The following FOXN3 variants were observed in gnomAD, a reference collection of about 807,000 sequenced individuals.
The protein encoded by FOXN3 is forkhead box N3.
FOXN3 carries 7 observed loss-of-function variants against 38.4 expected under a neutral mutation model. That is an observed-to-expected ratio of 0.18 (90% CI 0.10 to 0.34). The LOEUF is 0.34. Among genes scored for constraint, FOXN3 ranks in the 10% least tolerant of loss-of-function variants. The pLI is 1.00. For missense variants in FOXN3, 456 were observed against 613.4 expected, an observed-to-expected ratio of 0.74 and a Z score of 2.71; for synonymous variants, 230 against 242.2, an observed-to-expected ratio of 0.95 and a Z score of 0.47.
intron 2 of FOXN3, among the ~76,000 whole-genome samples, chr14:89,379,475 C>G (rs1329648451): frequency 6.6e-6 from 1 of 152,076 alleles, no homozygotes; most frequent in Non-Finnish European, 1.5e-5. Context: ...AGACCGCTCC[C>G]CCGACAATCT....
chr14:89,398,811 C>A (rs928319730), intron 2 of FOXN3, among the ~76,000 whole-genome samples: 1 of 152,168 alleles, frequency 6.6e-6, no homozygotes, highest in Non-Finnish European at 1.5e-5. Flanking sequence ...CATGGAGAAA[C>A]CCTGTCTCTA....
At chr14:89,447,590 C>G (rs577891549) in intron 1 of FOXN3, among the ~76,000 whole-genome samples, 5 of 152,062 alleles carry the variant, frequency 3.3e-5, no homozygotes, top group Non-Finnish European at 5.9e-5. Flanking sequence ...AGGAGAAGTA[C>G]CAACTCCCAG....
At chr14:89,218,618 T>C (rs944076333) in intron 4 of FOXN3, among the ~76,000 whole-genome samples, 8 of 152,282 alleles carry the variant, frequency 5.3e-5, no homozygotes, top group African/African-American at 1.2e-4. Context: ...TGCCTTTTCA[T>C]TGCTGAAATT....
chr14:89,519,607 G>A (rs895528548), intron 1 of FOXN3, among the ~76,000 whole-genome samples: 2 of 152,166 alleles, frequency 1.3e-5, no homozygotes, highest in African/African-American at 2.4e-5. Context: ...ACAAAAGCCT[G>A]TCCTAAGATG....
In FOXN3 at chr14:89,459,503, A is replaced by C. The variant is rs144835623; in HGVS notation, c.-14-47013T>G. On this transcript the variant is annotated intron_variant, in intron 1 of 6. Coordinates refer to the FOXN3 transcript ENST00000345097. ...AAATGAGCTCCAGCGAGATTATAGG[A>C]CTTGATCTAGAGCCTGCAGTGGACT... is the stretch of plus-strand genomic sequence containing the variant. Among the ~76,000 whole-genome samples, 752 of 152,256 alleles carry C rather than the reference A, an allele frequency of 4.9e-3. 8 individuals carry two copies. The highest frequency in any genetic ancestry group is 0.018 in the African/African-American group (730 of 41,540).
intron 1 of FOXN3, among the ~76,000 whole-genome samples, chr14:89,472,005 C>T (rs1893104772): frequency 1.3e-5 from 2 of 152,168 alleles, no homozygotes; most frequent in Admixed American, 1.3e-4. Flanking sequence ...CCTGTAATCC[C>T]AACACTTTGG....
In FOXN3 at chr14:89,491,371, G is replaced by A. The variant is rs189121988; in HGVS notation, c.-14-78881C>T. ...GATGGAGAAATCATTTCAATGAAAG[G>A]GGGAGATCTGTAAGGTTTTACAGAG... On this transcript the variant is annotated intron_variant, in intron 1 of 6. Transcript: ENST00000345097. 5.3e-5 allele frequency among the ~76,000 whole-genome samples: 8 copies of A among 152,306 alleles called. No homozygotes were observed. The East Asian group carries it at 1.5e-3, about 29-fold the overall frequency.
intron 4 of FOXN3, chr14:89,264,014 C>G (rs1307103726): frequency 6.6e-6 from 1 of 152,444 alleles, no homozygotes; most frequent in Non-Finnish European, 1.5e-5. Context: ...GCCGAGATCA[C>G]GCCATTGCAT....
At chr14:89,528,691 C>T (rs920452564) in intron 1 of FOXN3, among the ~76,000 whole-genome samples, 16 of 152,044 alleles carry the variant, frequency 1.1e-4, no homozygotes, top group African/African-American at 3.9e-4. Flanking sequence ...CCACCACACT[C>T]GGGCTGATTA....
chr14:89,247,239 C>A (rs4904522), intron 4 of FOXN3, among the ~76,000 whole-genome samples: 3 of 152,086 alleles, frequency 2.0e-5, no homozygotes, highest in Non-Finnish European at 2.9e-5. Context: ...AAAGCTTAAG[C>A]ATAATTATTG....
intron 1 of FOXN3, among the ~76,000 whole-genome samples, chr14:89,537,684 A>G (rs543737103): frequency 1.3e-5 from 2 of 152,372 alleles, no homozygotes; most frequent in African/African-American, 4.8e-5. Context: ...TGTGAGTGAC[A>G]TCTCTGAAAA....
At chr14:89,570,298 CG>C (rs1439105506) in intron 1 of FOXN3, among the ~76,000 whole-genome samples, 1 of 152,106 alleles carries the variant, frequency 6.6e-6, no homozygotes, top group Non-Finnish European at 1.5e-5. Flanking sequence ...CGCATCCAGC[CG>C]GTACACTTGG....
At chr14:89,335,075 TATCACACACACA>T (rs765257689) in intron 3 of FOXN3, among the ~76,000 whole-genome samples, 1,732 of 136,206 alleles carry the variant, frequency 0.013, 18 homozygotes, top group Non-Finnish European at 0.017. Context: ...ACTATTTTCA[TATCACACACACA>T]CACACACACA....
At chr14:89,602,641 C>A (rs978653547) in intron 1 of FOXN3, among the ~76,000 whole-genome samples, 7 of 151,808 alleles carry the variant, frequency 4.6e-5, no homozygotes, top group African/African-American at 1.7e-4. Flanking sequence ...GGATTATAGG[C>A]ACCTGCCACC....
intron 2 of FOXN3, among the ~76,000 whole-genome samples, chr14:89,359,245 G>A (rs959435887): frequency 1.3e-5 from 2 of 151,520 alleles, no homozygotes; most frequent in Admixed American, 1.3e-4. Context: ...GCAGTGAGCC[G>A]AGATCACGCC....
At chr14:89,460,757 G>A (rs901319405) in intron 1 of FOXN3, among the ~76,000 whole-genome samples, 4 of 152,288 alleles carry the variant, frequency 2.6e-5, no homozygotes, top group African/African-American at 4.8e-5. Context: ...AATGCCGGGC[G>A]CGGTGACTCA....
chr14:89,413,656 A>AAGGGAAGG lies in FOXN3; in HGVS notation c.-14-1167_-14-1166insCCTTCCCT, dbSNP rs1566646618. 3.9e-3 allele frequency among the ~76,000 whole-genome samples: 503 copies of AAGGGAAGG among 130,192 alleles called. 4 individuals carry two copies. The highest frequency in any genetic ancestry group is 0.014 in the African/African-American group (485 of 34,990). The allele number at this position is 130,192 out of a possible 152,430, so 85.4% of individuals were successfully genotyped here. ...TCAAAAGTTTTGAAGAAGGTAAGGA[A>AAGGGAAGG]GAAGGGAAGGGAATGGAAGAGAAGG... On this transcript the variant is annotated intron_variant, in intron 1 of 5. Coordinates refer to ENST00000557258, the MANE Select transcript of FOXN3 (RefSeq NM_005197.4).
intron 4 of FOXN3, among the ~76,000 whole-genome samples, chr14:89,264,358 G>A (rs186365467): frequency 5.1e-4 from 78 of 152,184 alleles, no homozygotes; most frequent in Middle Eastern, 3.4e-3. Flanking sequence ...AAGCAAAAGG[G>A]GAAAACCCTT....
At chr14:89,372,480 A>C (rs887073866) in intron 2 of FOXN3, among the ~76,000 whole-genome samples, 1 of 152,168 alleles carries the variant, frequency 6.6e-6, no homozygotes, top group Non-Finnish European at 1.5e-5. Context: ...ACAACAGCTG[A>C]CTGAAACAAA....
Sources: gnomAD v4.1 joint callset for allele counts (sites outside exome capture counted in the v4.1 genomes callset) on GRCh38, gnomAD v4.1.1 for gene constraint, MANE v1.5 for transcripts, NCBI Gene and HGNC (gene_info 2026-07-23, HGNC 2026-07-21) for gene names.